FRMD6: variants seen among roughly 807,000 people sequenced by gnomAD.
The protein encoded by FRMD6 is FERM domain-containing protein 6.
A neutral mutation model predicts 73.2 loss-of-function variants in FRMD6; 37 were observed. The observed-to-expected ratio is 0.51, with a 90% CI of 0.39 to 0.66. The LOEUF is 0.66. FRMD6 is among the 30% of genes least tolerant of loss of function. The pLI, the probability that FRMD6 is intolerant of heterozygous loss-of-function variation, is 0.00. For synonymous variants in FRMD6, 273 were observed against 282.2 expected, an observed-to-expected ratio of 0.97 and a Z score of 0.33; for missense variants, 714 against 780.5, an observed-to-expected ratio of 0.91 and a Z score of 1.02.
At chr14:51,459,415 C>G in the FRMD6 span, among the ~76,000 whole-genome samples, 3 of 152,282 alleles carry the variant, frequency 2.0e-5, no homozygotes, top group East Asian at 3.9e-4. Context: ...GTTCAAAACC[C>G]TCTTTAGGTT....
intron 1 of FRMD6, among the ~76,000 whole-genome samples, chr14:51,654,693 A>G (rs573584333): frequency 1.2e-4 from 18 of 152,034 alleles, no homozygotes; most frequent in Non-Finnish European, 2.2e-4. Context: ...TGAATTTTAG[A>G]TTTGGATGAT....
intron 1 of FRMD6, among the ~76,000 whole-genome samples, chr14:51,513,025 C>T (rs1389470896): frequency 6.6e-6 from 1 of 152,182 alleles, no homozygotes; most frequent in African/African-American, 2.4e-5. Context: ...GCTTTCCACC[C>T]TCACTCTCTC....
intron 2 of FRMD6, chr14:51,637,448 A>T (rs377216616): frequency 6.9e-6 from 1 of 144,326 alleles, no homozygotes; most frequent in African/African-American, 2.6e-5. Flanking sequence ...TTAGGATCAC[A>T]TTGTTGATAC....
chr14:51,485,523 T>A (rs1464452386), upstream of FRMD6, among the ~76,000 whole-genome samples: 1 of 152,220 alleles, frequency 6.6e-6, no homozygotes, highest in Non-Finnish European at 1.5e-5. Context: ...GTTTTCTTGC[T>A]AAGACAAACC....
chr14:51,443,042 C>G, the FRMD6 span, among the ~76,000 whole-genome samples: 1 of 152,152 alleles, frequency 6.6e-6, no homozygotes, highest in Non-Finnish European at 1.5e-5. Context: ...TGTGAAGGCA[C>G]CAGGATGGGG....
intron 1 of FRMD6, among the ~76,000 whole-genome samples, chr14:51,558,607 A>G (rs1887291262): frequency 6.6e-6 from 1 of 152,192 alleles, no homozygotes; most frequent in South Asian, 2.1e-4. Flanking sequence ...ATGTCATAAT[A>G]TAGTATAATT....
intron 2 of FRMD6, among the ~76,000 whole-genome samples, chr14:51,605,906 C>T (rs1890238344): frequency 1.3e-5 from 2 of 152,114 alleles, no homozygotes; most frequent in Admixed American, 1.3e-4. Context: ...ACTGCTGAGG[C>T]TGGATACACT....
chr14:51,458,677 C>T, the FRMD6 span, among the ~76,000 whole-genome samples: 1 of 152,196 alleles, frequency 6.6e-6, no homozygotes, highest in East Asian at 1.9e-4. Flanking sequence ...GTGTTCTAGT[C>T]TGCAACCTGA....
intron 1 of FRMD6, among the ~76,000 whole-genome samples, chr14:51,563,015 T>C (rs146928477): frequency 5.3e-5 from 8 of 152,328 alleles, no homozygotes; most frequent in Admixed American, 2.0e-4. Flanking sequence ...GAGGTTTCTT[T>C]CTGCCATGTC....
At chr14:51,504,141 T>C (rs1883798051) in intron 1 of FRMD6, among the ~76,000 whole-genome samples, 1 of 152,220 alleles carries the variant, frequency 6.6e-6, no homozygotes, top group Non-Finnish European at 1.5e-5. Flanking sequence ...GGTTTCTAGC[T>C]TTCTGTTTGT....
chr14:51,717,995 C>T (rs554245445), intron 10 of FRMD6, among the ~76,000 whole-genome samples: 15 of 152,310 alleles, frequency 9.8e-5, no homozygotes, highest in African/African-American at 3.1e-4. Context: ...GTATGAAAAA[C>T]CTCATTGTCT....
chr14:51,517,762 A>G (rs893288072), intron 1 of FRMD6, among the ~76,000 whole-genome samples: 2 of 152,180 alleles, frequency 1.3e-5, no homozygotes, highest in Non-Finnish European at 2.9e-5. Context: ...TTTCAGAGTC[A>G]TGGCCATGCT....
chr14:51,613,145 G>C (rs1172058361), intron 2 of FRMD6, among the ~76,000 whole-genome samples: 1 of 152,172 alleles, frequency 6.6e-6, no homozygotes, highest in Non-Finnish European at 1.5e-5. Context: ...TTGAACCAGA[G>C]AGTAATATAA....
intron 2 of FRMD6, among the ~76,000 whole-genome samples, chr14:51,627,606 G>T (rs1891167733): frequency 6.6e-6 from 1 of 152,204 alleles, no homozygotes; most frequent in Non-Finnish European, 1.5e-5. Flanking sequence ...CATATTGGGT[G>T]CTGGTTCTTG....
intron 1 of FRMD6, among the ~76,000 whole-genome samples, chr14:51,506,973 A>G (rs1290835571): frequency 2.0e-5 from 3 of 152,204 alleles, no homozygotes; most frequent in Admixed American, 6.5e-5. Context: ...GCATTAAACA[A>G]TCATGAGGAA....
rs539116354 is a variant in FRMD6 at position 51,655,232 on chromosome 14, C to T, written c.-147+3236C>T. Reference sequence around the variant, plus strand: ...CAGTATGTTTTTAAACGTGTACTCCCAGTACTAGAGTTATAAAGGCTGTTT... The same window carrying T: ...CAGTATGTTTTTAAACGTGTACTCCTAGTACTAGAGTTATAAAGGCTGTTT... On this transcript the variant is annotated intron_variant, in intron 1 of 13. Coordinates refer to ENST00000344768, the MANE Select transcript of FRMD6 (RefSeq NM_001267046.2). Among the ~76,000 whole-genome samples the T allele has an allele frequency of 7.2e-5, 11 of 152,222 alleles. No homozygotes were observed. The South Asian group carries it at 2.1e-3, about 29-fold the overall frequency.
At chr14:51,701,244 A>G in intron 4 of FRMD6, 85 bp downstream of exon 4, 1 of 688,738 alleles carries the variant, frequency 1.5e-6, no homozygotes, top group East Asian at 3.0e-5. Context: ...AGAAAACTGT[A>G]AGCAATACTT....
chr14:51,722,154 T>C, intron 12 of FRMD6, 74 bp downstream of exon 12: 1 of 1,554,240 alleles, frequency 6.4e-7, no homozygotes, highest in South Asian at 1.1e-5. Context: ...CCTCAGAAAA[T>C]AGAAGGGGTG....
intron 1 of FRMD6, among the ~76,000 whole-genome samples, chr14:51,666,533 C>T (rs1422983622): frequency 1.3e-5 from 2 of 152,108 alleles, no homozygotes; most frequent in East Asian, 3.8e-4. Context: ...CTGATCTGGT[C>T]TAGGAGTGGG....
Sources: gnomAD v4.1 joint callset for allele counts (sites outside exome capture counted in the v4.1 genomes callset) on GRCh38, gnomAD v4.1.1 for gene constraint, MANE v1.5 for transcripts, NCBI Gene and HGNC (gene_info 2026-07-23, HGNC 2026-07-21) for gene names.